The following NTRK3 variants were observed in gnomAD, a reference collection of about 807,000 sequenced individuals.
NTRK3 encodes the protein neurotrophic receptor tyrosine kinase 3.
In NTRK3, 24 loss-of-function variants were observed where a neutral mutation model predicts 91.7. The ratio of observed to expected loss-of-function variants is 0.26; its 90% CI spans 0.19 to 0.37. The LOEUF is 0.37. Among genes scored for constraint, NTRK3 ranks in the 10% least tolerant of loss-of-function variants. NTRK3 has a pLI of 1.00. For missense variants in NTRK3, 880 were observed against 1,068.9 expected, an observed-to-expected ratio of 0.82 and a Z score of 2.46; for synonymous variants, 483 against 404.0, an observed-to-expected ratio of 1.20 and a Z score of -2.34.
intron 15 of NTRK3, among the ~76,000 whole-genome samples, chr15:87,936,990 C>G (rs1486452351): frequency 6.6e-6 from 1 of 152,226 alleles, no homozygotes; most frequent in Non-Finnish European, 1.5e-5. Context: ...CCTCCTGCCT[C>G]ATTTATTACA....
chr15:88,015,994 C>A (rs1216094638), intron 14 of NTRK3, among the ~76,000 whole-genome samples: 1 of 151,248 alleles, frequency 6.6e-6, no homozygotes, highest in Non-Finnish European at 1.5e-5. Flanking sequence ...GATTATGAAA[C>A]CGTATGCAGA....
At chr15:88,111,251 G>A (rs192852370) in intron 13 of NTRK3, among the ~76,000 whole-genome samples, 175 of 152,260 alleles carry the variant, frequency 1.1e-3, no homozygotes, top group African/African-American at 3.8e-3. Context: ...GGCTAGTCAC[G>A]ACCTCAGGTG....
chr15:88,074,567 C>G (rs931569673), intron 13 of NTRK3, among the ~76,000 whole-genome samples: 2 of 152,168 alleles, frequency 1.3e-5, no homozygotes, highest in Non-Finnish European at 2.9e-5. Flanking sequence ...GATTCTCACC[C>G]AGGCCCTAAT....
At chr15:87,975,177 A>C (rs2073616657) in intron 14 of NTRK3, among the ~76,000 whole-genome samples, 1 of 152,192 alleles carries the variant, frequency 6.6e-6, no homozygotes, top group African/African-American at 2.4e-5. Context: ...GGAGGTTGGC[A>C]ACCAGTTCCA....
At chr15:88,223,827 C>G (rs569358223) in intron 3 of NTRK3, among the ~76,000 whole-genome samples, 1 of 152,250 alleles carries the variant, frequency 6.6e-6, no homozygotes, top group South Asian at 2.1e-4. Context: ...GAAAGTTCGG[C>G]CCAGGGTAGA....
intron 5 of NTRK3, among the ~76,000 whole-genome samples, chr15:88,161,603 T>TA (rs1244009187): frequency 1.3e-5 from 2 of 152,070 alleles, no homozygotes; most frequent in Non-Finnish European, 2.9e-5. Flanking sequence ...GTGACAGCCA[T>TA]AAAAAATGGA....
At chr15:87,967,689 G>A (rs185588769) in intron 14 of NTRK3, among the ~76,000 whole-genome samples, 1 of 152,248 alleles carries the variant, frequency 6.6e-6, no homozygotes, top group East Asian at 1.9e-4. Context: ...AATGTTTACT[G>A]TGACATCAAG....
intron 15 of NTRK3, among the ~76,000 whole-genome samples, chr15:87,937,180 C>G (rs191676142): frequency 1.2e-4 from 19 of 152,296 alleles, no homozygotes; most frequent in Admixed American, 1.2e-3. Flanking sequence ...GTTGGATACC[C>G]AGGGAGATAC....
chr15:87,978,795 G>C (rs2073944941), intron 14 of NTRK3: 1 of 235,188 alleles, frequency 4.3e-6, no homozygotes, highest in Admixed American at 5.5e-5. Flanking sequence ...CAATACTTGA[G>C]CCTGGCTCCC....
At chr15:88,090,070 G>A (rs748714456) in intron 13 of NTRK3, among the ~76,000 whole-genome samples, 6 of 152,006 alleles carry the variant, frequency 3.9e-5, no homozygotes, top group Non-Finnish European at 7.4e-5. Flanking sequence ...TCTCTTCCCC[G>A]AGATGTCTGT....
intron 14 of NTRK3, among the ~76,000 whole-genome samples, chr15:87,995,373 CTT>C (rs1373083092): frequency 6.6e-6 from 1 of 152,186 alleles, no homozygotes; most frequent in Non-Finnish European, 1.5e-5. Context: ...TAGTAGGAGA[CTT>C]AGCTTTCTTG....
chr15:88,034,066 C>G (rs1481806558), intron 13 of NTRK3, among the ~76,000 whole-genome samples: 1 of 152,114 alleles, frequency 6.6e-6, no homozygotes, highest in Non-Finnish European at 1.5e-5. Context: ...AGACCTAGAG[C>G]CTCTCCAGCT....
intron 13 of NTRK3, among the ~76,000 whole-genome samples, chr15:88,086,386 C>T (rs1479023890): frequency 6.6e-6 from 1 of 152,010 alleles, no homozygotes; most frequent in African/African-American, 2.4e-5. Context: ...ATTTCAAGGA[C>T]CTACCATGAG....
intron 13 of NTRK3, chr15:88,098,875 T>G: frequency 4.3e-6 from 1 of 232,718 alleles, no homozygotes; most frequent in African/African-American, 2.2e-5. Flanking sequence ...TACTGTAATG[T>G]GATATGCTAT....
rs117023621 is a variant in NTRK3 at position 88,179,545 on chromosome 15, G to A, written c.395+3873C>T. Among the ~76,000 whole-genome samples, 7 of 152,338 alleles carry A rather than the reference G, an allele frequency of 4.6e-5. No homozygotes were observed. The East Asian group carries it at 9.7e-4, about 21-fold the overall frequency. ...GGTGAAAGGAAGTACCATTGTTTGA[G>A]TGCAGCTCAGACAGACGTCTACATT... On this transcript the variant is annotated intron_variant, in intron 5 of 18. Coordinates refer to ENST00000394480, the Ensembl canonical transcript of NTRK3.
At chr15:88,193,754 T>G (rs2047596912) in intron 3 of NTRK3, among the ~76,000 whole-genome samples, 1 of 152,206 alleles carries the variant, frequency 6.6e-6, no homozygotes, top group Non-Finnish European at 1.5e-5. Flanking sequence ...TCTCTTCCTC[T>G]TCTCTACCCT....
At chr15:87,970,333 A>G (rs2073149402) in intron 14 of NTRK3, among the ~76,000 whole-genome samples, 1 of 152,198 alleles carries the variant, frequency 6.6e-6, no homozygotes, top group Non-Finnish European at 1.5e-5. Flanking sequence ...GATCTTCACA[A>G]GAGTGTCTAT....
chr15:88,129,389 A>G (rs1268313990), intron 10 of NTRK3, among the ~76,000 whole-genome samples: 1 of 152,236 alleles, frequency 6.6e-6, no homozygotes, highest in Non-Finnish European at 1.5e-5. Context: ...AAGAGGTGGT[A>G]GCATTATCCC....
At chr15:88,187,996 C>A (rs1597843385) in intron 3 of NTRK3, among the ~76,000 whole-genome samples, 1 of 152,064 alleles carries the variant, frequency 6.6e-6, no homozygotes, top group Non-Finnish European at 1.5e-5. Flanking sequence ...GGCACCTAAA[C>A]CCTGTGGGGG....
Sources: gnomAD v4.1 joint callset for allele counts (sites outside exome capture counted in the v4.1 genomes callset) on GRCh38, gnomAD v4.1.1 for gene constraint, MANE v1.5 for transcripts, NCBI Gene and HGNC (gene_info 2026-07-23, HGNC 2026-07-21) for gene names.